UNC5C: variants seen among roughly 807,000 people sequenced by gnomAD.
The protein encoded by UNC5C is netrin receptor UNC5C.
In UNC5C, 47 loss-of-function variants were observed where a neutral mutation model predicts 99.8. The observed-to-expected ratio is 0.47, with a 90% confidence interval of 0.37 to 0.60. The LOEUF (loss-of-function observed/expected upper bound fraction) is 0.60, where lower values mean the gene tolerates loss of function less well. Ranked by LOEUF, UNC5C falls within the 20% of genes least tolerant of loss-of-function variation. The pLI, the probability that UNC5C is intolerant of heterozygous loss-of-function variation, is 0.00. For synonymous variants in UNC5C, 487 were observed against 452.2 expected (o/e 1.08, Z -0.98); for missense variants, 1,062 against 1,165.9 (o/e 0.91, Z 1.30).
chr4:95,545,760 A>G (rs937712340), intron 1 of UNC5C, among the ~76,000 whole-genome samples: 32 of 143,464 alleles, frequency 2.2e-4, no homozygotes, highest in Admixed American at 1.0e-3. Context: ...TCTCACACAC[A>G]CGCGCGCGCG....
At chr4:95,169,597 C>G (rs948287587) in intron 15 of UNC5C, among the ~76,000 whole-genome samples, 198 bp from the exon 16 acceptor site, 2 of 152,152 alleles carry the variant, frequency 1.3e-5, no homozygotes, top group African/African-American at 4.8e-5. Context: ...CTTTGTGAAC[C>G]TCAGCTCTGA....
Position 95,182,886 on chromosome 4 carries a change from G to C in UNC5C, c.2451+11C>G. ...CTCTCCCCTGATTTCAGACAGACAG[G>C]AGCCACTTACCTCTGACACGGTGCA... On this transcript the variant is annotated intron_variant, in intron 14 of 15. Transcript: ENST00000453304. 1 of 1,604,574 alleles carries C rather than the reference G, an allele frequency of 6.2e-7. No homozygotes were observed. Among genetic ancestry groups the C allele is most frequent in the Non-Finnish European group, 8.5e-7 (1 of 1,172,478 alleles).
At chr4:95,449,292 G>A (rs774617254) in intron 1 of UNC5C, among the ~76,000 whole-genome samples, 11 of 152,096 alleles carry the variant, frequency 7.2e-5, no homozygotes, top group Admixed American at 6.5e-4. Flanking sequence ...CAATGAGAGG[G>A]CCATTGCCTG....
At chr4:95,477,021 G>A (rs753837814) in intron 1 of UNC5C, among the ~76,000 whole-genome samples, 15 of 152,024 alleles carry the variant, frequency 9.9e-5, no homozygotes, top group Non-Finnish European at 2.1e-4. Flanking sequence ...GAGTGTGCAC[G>A]TTTACACACA....
chr4:95,224,483 G>A (rs182355294), intron 7 of UNC5C, among the ~76,000 whole-genome samples: 2 of 152,210 alleles, frequency 1.3e-5, no homozygotes, highest in Non-Finnish European at 2.9e-5. Flanking sequence ...ATATAACTTC[G>A]TAACTTCGAT....
At chr4:95,374,397 C>G (rs912377008) in intron 1 of UNC5C, among the ~76,000 whole-genome samples, 2 of 152,024 alleles carry the variant, frequency 1.3e-5, no homozygotes, top group Non-Finnish European at 2.9e-5. Flanking sequence ...TTTCAATGAC[C>G]AGATTCCTTA....
intron 6 of UNC5C, 148 bp from the exon 7 acceptor site, chr4:95,242,741 GCATGTTCTA>G (rs1739373280): frequency 2.3e-6 from 1 of 430,624 alleles, no homozygotes; most frequent in African/African-American, 4.1e-5. Context: ...GCTGGGAACT[GCATGTTCTA>G]CATCATTTGG....
chr4:95,170,342 A>G lies in UNC5C; in HGVS notation c.2452-10T>C, dbSNP rs781180442. 1 of 1,613,328 alleles carries G rather than the reference A, an allele frequency of 6.2e-7. No individual in the cohort carries two copies. The highest frequency in any genetic ancestry group is 8.5e-7 in the Non-Finnish European group (1 of 1,179,360). ...CGATGCCAGTAGGTTCCTGTAGTTC[A>G]GGGACAGGAACAACACAGCATTATT... On this transcript the variant is annotated splice_polypyrimidine_tract_variant and intron_variant, in intron 14 of 15. Coordinates refer to ENST00000453304, the MANE Select transcript of UNC5C (RefSeq NM_003728.4).
intron 9 of UNC5C, among the ~76,000 whole-genome samples, chr4:95,216,952 C>CA (rs1738274619): frequency 6.6e-6 from 1 of 152,170 alleles, no homozygotes. Context: ...TTTTTTAGTT[C>CA]AACCAGTTGC....
chr4:95,406,836 T>A (rs1031006191), intron 1 of UNC5C, among the ~76,000 whole-genome samples: 1 of 152,222 alleles, frequency 6.6e-6, no homozygotes, highest in Non-Finnish European at 1.5e-5. Context: ...TTTCAAAAGC[T>A]AGTTCACTTC....
At chr4:95,323,401 A>T (rs548955939) in intron 2 of UNC5C, among the ~76,000 whole-genome samples, 1 of 152,320 alleles carries the variant, frequency 6.6e-6, no homozygotes, top group East Asian at 1.9e-4. Context: ...ACAGGATGTG[A>T]ACAAACTTAT....
intron 10 of UNC5C, among the ~76,000 whole-genome samples, chr4:95,212,427 T>C (rs1345572228): frequency 6.6e-6 from 1 of 152,208 alleles, no homozygotes; most frequent in Non-Finnish European, 1.5e-5. Flanking sequence ...CAAACCTTCG[T>C]ACTTTCATTA....
chr4:95,246,754 T>C (rs1739516607), intron 5 of UNC5C, among the ~76,000 whole-genome samples: 1 of 151,936 alleles, frequency 6.6e-6, no homozygotes, highest in South Asian at 2.1e-4. Context: ...ATCTTATGTA[T>C]ACATATAAAG....
intron 7 of UNC5C, among the ~76,000 whole-genome samples, chr4:95,231,339 A>C (rs1173758514): frequency 6.6e-6 from 1 of 152,192 alleles, no homozygotes; most frequent in Non-Finnish European, 1.5e-5. Context: ...TAGATGATAG[A>C]TTCATATCTT....
At chr4:95,502,628 C>T (rs1017227516) in intron 1 of UNC5C, among the ~76,000 whole-genome samples, 13 of 152,138 alleles carry the variant, frequency 8.5e-5, no homozygotes, top group African/African-American at 3.1e-4. Context: ...TGAGCAGTTA[C>T]ACGACAATGC....
Position 95,362,943 on chromosome 4 carries a change from T to C in UNC5C, c.125-27312A>G, listed in dbSNP as rs181927876. On this transcript the variant is annotated intron_variant, in intron 1 of 15. Coordinates refer to ENST00000453304, the MANE Select transcript of UNC5C (RefSeq NM_003728.4). The stretch of plus-strand genomic sequence containing the variant: ...GATACCATGGAAAAGGTAAAAAGTG[T>C]AGACTACAAAATGCAGGGATATCAT... Among the ~76,000 whole-genome samples the C allele has an allele frequency of 2.6e-5, 4 of 151,994 alleles. No individual in the cohort carries two copies. The East Asian group carries it at 5.8e-4, about 22-fold the overall frequency.
At chr4:95,536,061 C>CATACATAT (rs768512563) in intron 1 of UNC5C, among the ~76,000 whole-genome samples, 1 of 140,834 alleles carries the variant, frequency 7.1e-6, no homozygotes, top group Non-Finnish European at 1.5e-5. Context: ...TACATACATA[C>CATACATAT]ATATATATAT....
intron 1 of UNC5C, among the ~76,000 whole-genome samples, chr4:95,502,367 C>T (rs1033590989): frequency 2.0e-5 from 3 of 152,054 alleles, no homozygotes; most frequent in African/African-American, 7.2e-5. Context: ...CTCCTGGGTT[C>T]AATCGATCCT....
intron 6 of UNC5C, 54 bp downstream of exon 6, chr4:95,244,923 G>A: frequency 6.3e-7 from 1 of 1,599,538 alleles, no homozygotes; most frequent in Non-Finnish European, 8.5e-7. Flanking sequence ...TTCTCTAAAA[G>A]CATGTTTCTT....
Sources: allele counts gnomAD v4.1 joint callset (sites outside exome capture counted in the v4.1 genomes callset), GRCh38; gene constraint gnomAD v4.1.1; transcripts MANE v1.5; gene names NCBI Gene and HGNC (gene_info 2026-07-23, HGNC 2026-07-21).